Variants in UBE2W observed in about 807,000 individuals in gnomAD.
The protein encoded by UBE2W is ubiquitin-conjugating enzyme E2 W.
Under a neutral mutation model 27.2 loss-of-function variants are expected in UBE2W, and 18 were observed. That is an observed-to-expected ratio of 0.66 (90% confidence interval 0.46 to 0.98). The LOEUF (loss-of-function observed/expected upper bound fraction) is 0.98, where lower values mean the gene tolerates loss of function less well. Among genes scored for constraint, UBE2W ranks in the 50% least tolerant of loss-of-function variants. UBE2W has a pLI of 0.00. For missense variants in UBE2W, 90 were observed against 180.2 expected (o/e 0.50, Z 2.87); for synonymous variants, 53 against 57.2 (o/e 0.93, Z 0.33).
chr8:73,875,146 G>C (rs1183359120), intron 1 of UBE2W, among the ~76,000 whole-genome samples: 1 of 152,168 alleles, frequency 6.6e-6, no homozygotes. Context: ...AAAAGAAAAT[G>C]AGTAAAGAAT....
At position 73,790,383 on chromosome 8, in the gene UBE2W, A is replaced by C; in HGVS notation, c.*3719T>G. 2 of 985,456 alleles carry C rather than the reference A, an allele frequency of 2.0e-6. No individual in the cohort carries two copies. Among genetic ancestry groups the C allele is most frequent in the Non-Finnish European group, 2.4e-6 (2 of 829,940 alleles). 61.0% of individuals were successfully genotyped at this position (985,456 alleles called of 1,614,324 possible). A position where few individuals can be genotyped will look rare whatever the true frequency, so the allele number is the denominator to read the frequency against. ...CCTTCTTCACAGACCTCAATCATGCACAGGCAGTAACGGCATTACTATAAC... is the reference window on the plus strand; with the variant it reads ...CCTTCTTCACAGACCTCAATCATGCCCAGGCAGTAACGGCATTACTATAAC... On this transcript the variant is annotated 3_prime_UTR_variant, in exon 6 of 6. Transcript: ENST00000602593.
At chr8:73,876,695 A>G (rs1475894445) in intron 1 of UBE2W, among the ~76,000 whole-genome samples, 1 of 152,200 alleles carries the variant, frequency 6.6e-6, no homozygotes, top group Non-Finnish European at 1.5e-5. Context: ...TAGGCCAGGC[A>G]CGGTGGCTCA....
At chr8:73,866,164 G>A (rs570941433) in intron 1 of UBE2W, among the ~76,000 whole-genome samples, 187 of 150,862 alleles carry the variant, frequency 1.2e-3, no homozygotes, top group Middle Eastern at 0.01. Context: ...CCAGCTATTC[G>A]GGAGGCTGAA....
intron 3 of UBE2W, among the ~76,000 whole-genome samples, chr8:73,817,934 TCTC>T (rs1809460690): frequency 6.6e-6 from 1 of 152,146 alleles, no homozygotes; most frequent in Admixed American, 6.5e-5. Flanking sequence ...TCCACTCTCA[TCTC>T]CTGCTGTAAT....
intron 3 of UBE2W, among the ~76,000 whole-genome samples, chr8:73,822,957 T>C (rs1468161605): frequency 6.6e-6 from 1 of 152,154 alleles, no homozygotes; most frequent in Non-Finnish European, 1.5e-5. Flanking sequence ...AAATGTTCTT[T>C]GTTATTGGAA....
chr8:73,869,581 C>T, intron 1 of UBE2W, among the ~76,000 whole-genome samples: 1 of 152,132 alleles, frequency 6.6e-6, no homozygotes, highest in Admixed American at 6.5e-5. Flanking sequence ...GTCCCAGCTA[C>T]TCGGGAGGCT....
chr8:73,796,054 C>A (rs1387471279), intron 5 of UBE2W: 2 of 83,780 alleles, frequency 2.4e-5, no homozygotes, highest in East Asian at 8.1e-4. Flanking sequence ...CTAGCCAACA[C>A]CATCTCCAAA....
chr8:73,877,396 A>G (rs905602280), intron 1 of UBE2W, among the ~76,000 whole-genome samples: 1 of 152,212 alleles, frequency 6.6e-6, no homozygotes, highest in Admixed American at 6.5e-5. Flanking sequence ...GAAATGTTAC[A>G]TAAAACTTTT....
intron 1 of UBE2W, among the ~76,000 whole-genome samples, chr8:73,868,102 G>A (rs770483564): frequency 9.1e-4 from 139 of 152,152 alleles, no homozygotes; most frequent in African/African-American, 7.2e-4. Flanking sequence ...CTGGTGGCTG[G>A]GGGCTCCTGG....
chr8:73,791,200 A>C lies in UBE2W; in HGVS notation c.*2902T>G, dbSNP rs1808175378. The C allele has an allele frequency of 1.0e-6, 1 of 984,216 alleles. No homozygotes were observed. The highest frequency in any genetic ancestry group is 6.2e-5 in the Admixed American group (1 of 16,238). The allele number at this position is 984,216 out of a possible 1,614,324, so 61.0% of individuals were successfully genotyped here. A position where few individuals can be genotyped will look rare whatever the true frequency, so the allele number is the denominator to read the frequency against. On this transcript the variant is annotated 3_prime_UTR_variant, in exon 6 of 6. Coordinates refer to ENST00000602593, the MANE Select transcript of UBE2W (RefSeq NM_018299.6). ...AGAACCATAAAATGTATTTTTAAAA[A>C]ATTCTCTTAAAAACTGAAAACAATC...
At chr8:73,874,275 CA>C (rs1257902290) in intron 1 of UBE2W, among the ~76,000 whole-genome samples, 2 of 151,562 alleles carry the variant, frequency 1.3e-5, no homozygotes, top group Admixed American at 6.6e-5. Context: ...ACTAAAAATA[CA>C]AAAAATAAGC....
At chr8:73,848,737 AG>A (rs1810926259) in intron 1 of UBE2W, among the ~76,000 whole-genome samples, 1 of 152,116 alleles carries the variant, frequency 6.6e-6, no homozygotes, top group African/African-American at 2.4e-5. Flanking sequence ...CCTTTAGGAG[AG>A]GGAGGAAGTA....
rs1810023150 is a variant in UBE2W, at chr8:73,830,395, T to C, written c.93A>G (p.Gln31=). 1 of 1,612,818 alleles carries C rather than the reference T, an allele frequency of 6.2e-7. No homozygotes were observed. The highest frequency in any genetic ancestry group is 1.3e-5 in the African/African-American group (1 of 74,904). Residue 31 remains glutamine (Q), a synonymous_variant, in exon 2 of 6, where the codon CAA becomes CAG. Transcript: ENST00000602593. Reference sequence around the variant, plus strand: ...TAAATACTTACTGTGTAATTGAATTTTGAACACTCTTCTCATTTAAGGTCA... The same window carrying C: ...TAAATACTTACTGTGTAATTGAATTCTGAACACTCTTCTCATTTAAGGTCA... ...PGMTLNEKSV[Q]NSITQWIVDM...
intron 3 of UBE2W, among the ~76,000 whole-genome samples, chr8:73,811,681 T>C (rs1367186709): frequency 6.6e-6 from 1 of 152,128 alleles, no homozygotes; most frequent in East Asian, 1.9e-4. Flanking sequence ...ATAAAACCCA[T>C]CAGATATAAA....
At chr8:73,780,965 G>A (rs1807829892) in intron 4 of UBE2W, among the ~76,000 whole-genome samples, 1 of 152,058 alleles carries the variant, frequency 6.6e-6, no homozygotes, top group Admixed American at 6.6e-5. Flanking sequence ...TTAGGCTTTT[G>A]GACTAGAAAG....
Position 73,805,716 on chromosome 8 carries a change from G to A in UBE2W, c.377C>T (p.Pro126Leu), listed in dbSNP as rs775096274. 10 of 1,517,426 alleles carry A rather than the reference G, an allele frequency of 6.6e-6. No individual in the cohort carries two copies. Among genetic ancestry groups the A allele is most frequent in the Non-Finnish European group, 8.0e-6 (9 of 1,123,368 alleles). 94.0% of individuals were successfully genotyped at this position (1,517,426 alleles called of 1,614,324 possible). A position where few individuals can be genotyped will look rare whatever the true frequency, so the allele number is the denominator to read the frequency against. The stretch of plus-strand genomic sequence containing the variant: ...TGTTCGCACATAAAAAGAATTATCC[G>A]GTGGTCGTCTCTGAAACAAAAAATA... ...LSSCKEKRRP[P>L]DNSFYVRTCN... The change falls in exon 5 of 6, where the codon CCG (proline) becomes CTG (leucine). Residue 126 changes from proline to leucine, a missense_variant. By Grantham distance (98) the Pro-to-Leu change is moderately conservative. Coordinates refer to ENST00000602593, the MANE Select transcript of UBE2W (RefSeq NM_018299.6).
At chr8:73,843,341 A>G (rs1015325168) in intron 1 of UBE2W, among the ~76,000 whole-genome samples, 13 of 152,238 alleles carry the variant, frequency 8.5e-5, no homozygotes, top group Admixed American at 3.9e-4. Context: ...CATCTAAATA[A>G]AAATTTTTTC....
At chr8:73,805,454 C>CAAAAAAAAAACAAAAAACAAAAAAA (rs1808835390) in intron 5 of UBE2W, among the ~76,000 whole-genome samples, 197 bp downstream of exon 5, 3 of 14,578 alleles carry the variant, frequency 2.1e-4, no homozygotes, top group Non-Finnish European at 3.9e-4. Flanking sequence ...AACTCCATCT[C>CAAAAAAAAAACAAAAAACAAAAAAA]AAAAAAAAAA....
At chr8:73,780,978 T>C (rs887914539) in intron 4 of UBE2W, among the ~76,000 whole-genome samples, 7 of 152,118 alleles carry the variant, frequency 4.6e-5, no homozygotes, top group African/African-American at 1.7e-4. Context: ...CTAGAAAGTA[T>C]TAAATTCCTG....
Sources: gnomAD v4.1 joint callset for allele counts (sites outside exome capture counted in the v4.1 genomes callset) on GRCh38, gnomAD v4.1.1 for gene constraint, MANE v1.5 for transcripts, NCBI Gene and HGNC (gene_info 2026-07-23, HGNC 2026-07-21) for gene names.